The following NHSL3 variants were observed in gnomAD, a reference collection of about 807,000 sequenced individuals.
NHSL3 encodes NHS like 3.
the NHSL3 span, chr1:32,765,524 G>A: frequency 9.7e-7 from 1 of 1,035,482 alleles, no homozygotes; most frequent in East Asian, 2.7e-5. Context: ...CCTGGCCTCA[G>A]TTGCCTTTCT....
chr1:32,765,643 C>T, the NHSL3 span: 4 of 1,531,002 alleles, frequency 2.6e-6, no homozygotes, highest in African/African-American at 2.7e-5. Flanking sequence ...TGTCTGGAGC[C>T]GGTGCTCTGC....
the NHSL3 span, among the ~76,000 whole-genome samples, chr1:32,750,365 C>T: frequency 6.6e-6 from 1 of 152,172 alleles, no homozygotes; most frequent in South Asian, 2.1e-4. Flanking sequence ...CAGCTCAGCT[C>T]ACAGAGGATT....
chr1:32,745,973 G>A, the NHSL3 span, among the ~76,000 whole-genome samples: 1 of 152,142 alleles, frequency 6.6e-6, no homozygotes, highest in African/African-American at 2.4e-5. Context: ...GCTCACGCCT[G>A]TAATCCCAGC....
chr1:32,751,141 G>C, the NHSL3 span, among the ~76,000 whole-genome samples: 11 of 152,234 alleles, frequency 7.2e-5, no homozygotes, highest in South Asian at 2.1e-3. Flanking sequence ...GGGTCACGAG[G>C]CATTCCAGCT....
At chr1:32,762,704 C>T in the NHSL3 span, among the ~76,000 whole-genome samples, 2 of 152,156 alleles carry the variant, frequency 1.3e-5, no homozygotes, top group Non-Finnish European at 2.9e-5. Context: ...ATTTTCCTGC[C>T]TCAGCCTCCC....
the NHSL3 span, chr1:32,771,244 G>A: frequency 3.4e-3 from 5,483 of 1,609,836 alleles, 172 homozygotes; most frequent in East Asian, 0.08. Context: ...TGCTCTAGCC[G>A]CCCCTGCTGT....
chr1:32,741,988 G>C, the NHSL3 span: 1 of 1,188,508 alleles, frequency 8.4e-7, no homozygotes, highest in Middle Eastern at 3.4e-4. This position sits in a 1 kb window ranked among gnomAD's most constrained non-coding sequence, Gnocchi z 4.3. Flanking sequence ...CGCACCTGCG[G>C]CCGAGGAGCC....
the NHSL3 span, among the ~76,000 whole-genome samples, chr1:32,763,423 C>G: frequency 2.0e-3 from 309 of 152,282 alleles, 1 homozygote; most frequent in Non-Finnish European, 3.3e-3. Context: ...TACTGGCCTC[C>G]TCTCTCTTCC....
At chr1:32,772,865 A>T in the NHSL3 span, 10 of 1,613,780 alleles carry the variant, frequency 6.2e-6, no homozygotes, top group African/African-American at 1.3e-4. Flanking sequence ...TCTCCCCCAG[A>T]CTCACAGAAA....
chr1:32,757,165 A>G, the NHSL3 span, among the ~76,000 whole-genome samples: 1 of 152,170 alleles, frequency 6.6e-6, no homozygotes. Flanking sequence ...GAGTATAAGT[A>G]CTCAAGTGCC....
At chr1:32,751,914 T>A in the NHSL3 span, among the ~76,000 whole-genome samples, 1 of 152,172 alleles carries the variant, frequency 6.6e-6, no homozygotes, top group Non-Finnish European at 1.5e-5. Context: ...CCTGCCACAC[T>A]TCAGAAATCC....
the NHSL3 span, among the ~76,000 whole-genome samples, chr1:32,748,903 G>A: frequency 6.6e-6 from 1 of 152,118 alleles, no homozygotes; most frequent in Non-Finnish European, 1.5e-5. Flanking sequence ...ACCCCTGTGA[G>A]AGGATAGACA....
chr1:32,743,564 C>G, the NHSL3 span, among the ~76,000 whole-genome samples: 1 of 152,184 alleles, frequency 6.6e-6, no homozygotes, highest in Admixed American at 6.5e-5. Flanking sequence ...AAGTCATCCC[C>G]GTCTCATTCA....
chr1:32,771,614 T>C, the NHSL3 span: 23 of 1,613,174 alleles, frequency 1.4e-5, no homozygotes, highest in Non-Finnish European at 1.8e-5. Flanking sequence ...CCAGAGCTTG[T>C]CAGCTCCCCG....
At chr1:32,769,558 C>G in the NHSL3 span, 1 of 830,606 alleles carries the variant, frequency 1.2e-6, no homozygotes, top group Non-Finnish European at 2.0e-6. Context: ...CTTGCCCATA[C>G]CTACTTGACT....
At chr1:32,768,838 T>C in the NHSL3 span, 1 of 1,570,202 alleles carries the variant, frequency 6.4e-7, no homozygotes, top group Non-Finnish European at 8.7e-7. Context: ...CTGTAGCTTC[T>C]TTTCCTCCTT....
chr1:32,742,019 C>A, the NHSL3 span: 25 of 1,239,556 alleles, frequency 2.0e-5, no homozygotes, highest in East Asian at 1.3e-4. Context: ...GGCGGCCCCC[C>A]GCGCAGGAAG....
chr1:32,766,416 G>A, the NHSL3 span, among the ~76,000 whole-genome samples: 1 of 152,284 alleles, frequency 6.6e-6, no homozygotes, highest in East Asian at 1.9e-4. Flanking sequence ...CTGGGAACCT[G>A]GAGTTGAGTC....
the NHSL3 span, chr1:32,771,889 G>A: frequency 6.3e-7 from 1 of 1,590,384 alleles, no homozygotes; most frequent in South Asian, 1.1e-5. Context: ...CCCAGCACTG[G>A]GGCCATCGGC....
Sources: gnomAD v4.1 joint callset for allele counts (sites outside exome capture counted in the v4.1 genomes callset) on GRCh38, gnomAD v4.1.1 for gene constraint, Gnocchi (gnomAD v3.1) non-coding constraint, MANE v1.5 for transcripts, NCBI Gene and HGNC (gene_info 2026-07-23, HGNC 2026-07-21) for gene names.